Variants in SNX29 observed in about 807,000 individuals in gnomAD.
SNX29 encodes the protein sorting nexin 29.
SNX29 carries 78 observed loss-of-function variants against 102.1 expected under a neutral mutation model. The ratio of observed to expected loss-of-function variants is 0.76; its 90% confidence interval spans 0.64 to 0.92. The LOEUF is 0.92. Ranked by LOEUF, SNX29 falls within the 40% of genes least tolerant of loss-of-function variation. The probability of loss-of-function intolerance (pLI) is 0.00; values close to 1 mark genes in which losing one functional copy is unlikely to be tolerated. For synonymous variants in SNX29, 580 were observed against 414.5 expected (o/e 1.40, Z -4.85); for missense variants, 1,280 against 1,061.7 (o/e 1.21, Z -2.86).
At chr16:12,544,222 C>A (rs553820996) in intron 20 of SNX29, among the ~76,000 whole-genome samples, 1 of 152,214 alleles carries the variant, frequency 6.6e-6, no homozygotes, top group Non-Finnish European at 1.5e-5. Context: ...CAGCCGGTTC[C>A]TCACCACACC....
intron 20 of SNX29, chr16:12,557,172 C>T (rs555523241): frequency 1.1e-4 from 17 of 152,272 alleles, no homozygotes; most frequent in African/African-American, 3.9e-4. Flanking sequence ...TGGCTATGTT[C>T]AAGGTAGATA....
At chr16:12,454,960 G>A (rs1206649998) in intron 18 of SNX29, among the ~76,000 whole-genome samples, 1 of 152,132 alleles carries the variant, frequency 6.6e-6, no homozygotes, top group African/African-American at 2.4e-5. Flanking sequence ...TTTGGCCAAA[G>A]TGGTCTCGAA....
At chr16:12,206,541 A>G (rs1199466534) in intron 14 of SNX29, among the ~76,000 whole-genome samples, 5 of 152,268 alleles carry the variant, frequency 3.3e-5, no homozygotes, top group Admixed American at 1.3e-4. Context: ...ATGAGTCAGT[A>G]CACGGGCGCT....
At chr16:12,397,266 C>T (rs909778832) in intron 16 of SNX29, among the ~76,000 whole-genome samples, 2 of 152,232 alleles carry the variant, frequency 1.3e-5, no homozygotes, top group Non-Finnish European at 2.9e-5. Context: ...TTGAAGCCTT[C>T]AAGACTACTT....
intron 15 of SNX29, among the ~76,000 whole-genome samples, chr16:12,349,433 T>C (rs924481324): frequency 6.6e-6 from 1 of 152,252 alleles, no homozygotes; most frequent in African/African-American, 2.4e-5. Context: ...AAATGGACAC[T>C]GTAAGACAAT....
chr16:12,458,465 G>C (rs1182615736), intron 18 of SNX29, among the ~76,000 whole-genome samples: 1 of 152,112 alleles, frequency 6.6e-6, no homozygotes, highest in African/African-American at 2.4e-5. Flanking sequence ...CTGAGAAGTT[G>C]CAGCTCTTTG....
At chr16:12,527,224 A>C (rs2076809135) in intron 20 of SNX29, 1 of 533,936 alleles carries the variant, frequency 1.9e-6, no homozygotes, top group East Asian at 3.9e-5. Context: ...GTAATGATGG[A>C]TCAGCCACAG....
intron 20 of SNX29, among the ~76,000 whole-genome samples, chr16:12,558,821 CAGGGCCACAGTCACCAAGAGCCACAAG>C (rs1047185244): frequency 2.0e-5 from 3 of 152,202 alleles, no homozygotes; most frequent in Non-Finnish European, 4.4e-5. Context: ...TCCCTAGGGG[CAGGGCCACAGTCACCAAGAGCCACAAG>C]AGGGCCACAG....
intron 11 of SNX29, among the ~76,000 whole-genome samples, chr16:12,114,140 A>G (rs2053601827): frequency 6.6e-6 from 1 of 152,186 alleles, no homozygotes. Context: ...TGTAGGTTCC[A>G]CATAGCATAT....
At chr16:12,036,031 C>T (rs74008653) in intron 4 of SNX29, among the ~76,000 whole-genome samples, 1,883 of 152,206 alleles carry the variant, frequency 0.012, 43 homozygotes, top group African/African-American at 0.044. Flanking sequence ...TCCAGACTAG[C>T]CCAGCTCCGT....
At chr16:12,175,801 G>C (rs556910553) in intron 13 of SNX29, among the ~76,000 whole-genome samples, 2 of 152,186 alleles carry the variant, frequency 1.3e-5, no homozygotes, top group African/African-American at 4.8e-5. Context: ...ATCTCTTGGA[G>C]TTTGAGACTA....
chr16:12,427,781 C>G (rs1173965945), intron 18 of SNX29, among the ~76,000 whole-genome samples: 1 of 152,360 alleles, frequency 6.6e-6, no homozygotes, highest in South Asian at 2.1e-4. Flanking sequence ...TCTGTTGACA[C>G]AGAGCCCTGA....
chr16:12,511,037 A>G (rs774828807), intron 19 of SNX29, among the ~76,000 whole-genome samples: 3 of 152,006 alleles, frequency 2.0e-5, no homozygotes, highest in African/African-American at 7.2e-5. Context: ...GCTCACTGCA[A>G]CCTCTGCGTC....
chr16:12,355,843 T>TAAAAAAAAAAAAAAAAAAAAAAAAAA (rs56358290), intron 15 of SNX29, among the ~76,000 whole-genome samples: 1 of 85,582 alleles, frequency 1.2e-5, no homozygotes, highest in Non-Finnish European at 2.0e-5. Flanking sequence ...GAGATCTTAT[T>TAAAAAAAAAAAAAAAAAAAAAAAAAA]AAAAAAAAAA....
At chr16:12,087,530 G>A (rs771063492) in intron 11 of SNX29, 4 of 256,078 alleles carry the variant, frequency 1.6e-5, no homozygotes, top group Non-Finnish European at 3.1e-5. Context: ...CCAGGAGTTC[G>A]AGGCTGCATT....
At chr16:12,016,913 G>A (rs1596601671) in intron 3 of SNX29, among the ~76,000 whole-genome samples, 1 of 151,944 alleles carries the variant, frequency 6.6e-6, no homozygotes, top group South Asian at 2.1e-4. Flanking sequence ...GATTGCTTAA[G>A]CCCAGGAGTT....
intron 16 of SNX29, chr16:12,374,218 G>C (rs1046181709): frequency 6.6e-6 from 1 of 152,234 alleles, no homozygotes; most frequent in Non-Finnish European, 1.5e-5. Context: ...CCCTACGCCA[G>C]GGACTGACCT....
intron 3 of SNX29, among the ~76,000 whole-genome samples, chr16:12,021,004 T>C (rs569634921): frequency 6.6e-6 from 1 of 152,328 alleles, no homozygotes; most frequent in Admixed American, 6.5e-5. Flanking sequence ...ATACTGTTGA[T>C]TGACTGATTT....
chr16:12,071,786 A>G (rs900817617), intron 10 of SNX29, among the ~76,000 whole-genome samples: 1 of 152,150 alleles, frequency 6.6e-6, no homozygotes, highest in Non-Finnish European at 1.5e-5. Context: ...CACGATATTG[A>G]TTCTTCCTAC....
Sources: allele counts gnomAD v4.1 joint callset (sites outside exome capture counted in the v4.1 genomes callset), GRCh38; gene constraint gnomAD v4.1.1; transcripts MANE v1.5; gene names NCBI Gene and HGNC (gene_info 2026-07-23, HGNC 2026-07-21).